The following PARD3B variants were observed in gnomAD, a reference collection of about 807,000 sequenced individuals.
The protein encoded by PARD3B is partitioning defective 3 homolog B.
In PARD3B, 103 loss-of-function variants were observed where a neutral mutation model predicts 130.2. That is an observed-to-expected ratio of 0.79 (90% CI 0.67 to 0.93). The LOEUF (loss-of-function observed/expected upper bound fraction) is 0.93. Ranked by LOEUF, PARD3B falls within the 40% of genes least tolerant of loss-of-function variation. The pLI, the probability that PARD3B is intolerant of heterozygous loss-of-function variation, is 0.00. For missense variants in PARD3B, 1,609 were observed against 1,499.2 expected (o/e 1.07, Z -1.21); for synonymous variants, 583 against 553.2 (o/e 1.05, Z -0.76).
At chr2:205,213,600 A>G (rs2125854272) in intron 15 of PARD3B, among the ~76,000 whole-genome samples, 1 of 152,332 alleles carries the variant, frequency 6.6e-6, no homozygotes, top group East Asian at 1.9e-4. Flanking sequence ...AATAAATAAA[A>G]GTAGAAACAA....
In PARD3B at chr2:204,606,551, G is replaced by A. The variant is rs938217789; in HGVS notation, c.120+60432G>A. On this transcript the variant is annotated intron_variant, in intron 1 of 22. Coordinates refer to ENST00000406610, the MANE Select transcript of PARD3B (RefSeq NM_001302769.2). The surrounding 1 kb of genome is among the most constrained non-coding windows in gnomAD (Gnocchi z 4.0). ...CCCATGTTACTTCTGCTCACATTTCGTTGGCCACTTACATGGTCACACTGA... is the reference window on the plus strand; with the variant it reads ...CCCATGTTACTTCTGCTCACATTTCATTGGCCACTTACATGGTCACACTGA... 1.3e-5 allele frequency among the ~76,000 whole-genome samples: 2 copies of A among 152,076 alleles called. No individual in the cohort carries two copies. The highest frequency in any genetic ancestry group is 2.4e-5 in the African/African-American group (1 of 41,418).
chr2:205,272,493 G>A (rs930325511), intron 16 of PARD3B, among the ~76,000 whole-genome samples: 11 of 152,146 alleles, frequency 7.2e-5, no homozygotes, highest in Non-Finnish European at 1.3e-4. Flanking sequence ...CAATTAGGAT[G>A]TGTTTGACTG....
chr2:205,216,003 G>A (rs1347097768), intron 15 of PARD3B, among the ~76,000 whole-genome samples: 1 of 152,092 alleles, frequency 6.6e-6, no homozygotes, highest in Non-Finnish European at 1.5e-5. Context: ...TTATAGTAGT[G>A]TGTATGTGTG....
intron 18 of PARD3B, among the ~76,000 whole-genome samples, chr2:205,323,719 G>T (rs1035936963): frequency 1.3e-5 from 2 of 152,190 alleles, no homozygotes; most frequent in Non-Finnish European, 2.9e-5. Context: ...ACCCTCTGTG[G>T]AAGGAATAAT....
intron 21 of PARD3B, among the ~76,000 whole-genome samples, chr2:205,543,398 G>T (rs1249720473): frequency 2.0e-5 from 3 of 152,102 alleles, no homozygotes; most frequent in Non-Finnish European, 4.4e-5. Context: ...CAGTGATATG[G>T]CTAAGAAGAC....
chr2:204,699,876 A>G (rs1223447170), intron 2 of PARD3B, among the ~76,000 whole-genome samples: 1 of 152,178 alleles, frequency 6.6e-6, no homozygotes, highest in African/African-American at 2.4e-5. Context: ...TGAATCTTGT[A>G]TTCTTATATA....
rs1223583877 is a variant in PARD3B, at chr2:205,125,954, T to A, written c.1434+217T>A. Among the ~76,000 whole-genome samples, 1 of 152,168 alleles carries A rather than the reference T, an allele frequency of 6.6e-6. No individual in the cohort carries two copies. The highest frequency in any genetic ancestry group is 2.4e-5 in the African/African-American group (1 of 41,434). On this transcript the variant is annotated intron_variant, in intron 10 of 22. Transcript: ENST00000406610. This position sits in a 1 kb window ranked among gnomAD's most constrained non-coding sequence, Gnocchi z 4.0. Reference sequence around the variant, plus strand: ...TAAACAGTGATTCCGGGGCACAGATTCAAACACCTTTAGCAATAAGCAACT... The same window carrying A: ...TAAACAGTGATTCCGGGGCACAGATACAAACACCTTTAGCAATAAGCAACT...
chr2:204,682,682 C>G (rs911840964), intron 1 of PARD3B, among the ~76,000 whole-genome samples: 6 of 152,296 alleles, frequency 3.9e-5, no homozygotes, highest in East Asian at 1.9e-4. Flanking sequence ...GCACTCTCCC[C>G]ACTTTGGGAC....
chr2:204,832,654 T>C (rs2043871309), intron 2 of PARD3B, among the ~76,000 whole-genome samples: 1 of 152,150 alleles, frequency 6.6e-6, no homozygotes, highest in South Asian at 2.1e-4. Flanking sequence ...CAAGAGCCAG[T>C]AGATTCTTGG....
intron 1 of PARD3B, among the ~76,000 whole-genome samples, chr2:204,554,862 C>A (rs191198658): frequency 6.6e-6 from 1 of 152,138 alleles, no homozygotes; most frequent in Non-Finnish European, 1.5e-5. Context: ...GCCCTGCTTG[C>A]GAAGCGGGGC....
At chr2:204,574,009 C>G (rs1390452988) in intron 1 of PARD3B, among the ~76,000 whole-genome samples, 1 of 152,290 alleles carries the variant, frequency 6.6e-6, no homozygotes. Flanking sequence ...ATTTGTTTTG[C>G]TTGACTTGAC....
At chr2:205,184,911 G>A (rs1022694215) in intron 13 of PARD3B, among the ~76,000 whole-genome samples, 48 of 152,040 alleles carry the variant, frequency 3.2e-4, no homozygotes, top group African/African-American at 1.1e-3. Context: ...ACAGCAGTAG[G>A]GTTGGAAACA....
chr2:205,310,719 C>CTTTTTTTTTTTTTTTTTTTTTT (rs34032930), intron 18 of PARD3B, among the ~76,000 whole-genome samples: 3 of 82,590 alleles, frequency 3.6e-5, no homozygotes, highest in African/African-American at 1.6e-4. Flanking sequence ...TTCTTTCTTT[C>CTTTTTTTTTTTTTTTTTTTTTT]TTTTTTTTTT....
At chr2:205,236,753 A>G (rs759569785) in intron 15 of PARD3B, among the ~76,000 whole-genome samples, 1 of 152,230 alleles carries the variant, frequency 6.6e-6, no homozygotes, top group African/African-American at 2.4e-5. Context: ...CAGAAAAAGC[A>G]TAACCATATG....
Position 204,925,029 on chromosome 2 carries a change from T to C in PARD3B, c.223-40123T>C, listed in dbSNP as rs140035761. On this transcript the variant is annotated intron_variant, in intron 2 of 22. Transcript: ENST00000406610. The stretch of plus-strand genomic sequence containing the variant: ...TATGCATATATGATATACATATATA[T>C]CAGGTATATAAATATATGTGTATAT... Among the ~76,000 whole-genome samples, 81 of 152,106 alleles carry C rather than the reference T, an allele frequency of 5.3e-4. No homozygotes were observed. In the Middle Eastern group the frequency reaches 0.014, roughly 26 times the overall value.
chr2:205,213,099 G>A (rs953880558), intron 15 of PARD3B, among the ~76,000 whole-genome samples: 1 of 151,994 alleles, frequency 6.6e-6, no homozygotes, highest in Admixed American at 6.6e-5. Context: ...TTCAAATAAG[G>A]CTTGTCAGTT....
chr2:204,675,083 G>C lies in PARD3B; in HGVS notation c.121-11098G>C, dbSNP rs1176410509. Among the ~76,000 whole-genome samples, 2 of 152,098 alleles carry C rather than the reference G, an allele frequency of 1.3e-5. No individual in the cohort carries two copies. Among genetic ancestry groups the C allele is most frequent in the Admixed American group, 6.6e-5 (1 of 15,262 alleles). ...CTTTGAATTCCTCTGGACCACACAA[G>C]TTTCTAAAACCTTGGCATCCAGGGC... On this transcript the variant is annotated intron_variant, in intron 1 of 22. Transcript: ENST00000406610. This position sits in a 1 kb window ranked among gnomAD's most constrained non-coding sequence, Gnocchi z 4.4.
chr2:205,024,612 A>G (rs1696878244), intron 3 of PARD3B, among the ~76,000 whole-genome samples: 1 of 152,174 alleles, frequency 6.6e-6, no homozygotes, highest in African/African-American at 2.4e-5. Flanking sequence ...TTGGTAGGAC[A>G]CTATTATTTA....
chr2:204,622,670 T>C (rs2034347512), intron 1 of PARD3B, among the ~76,000 whole-genome samples: 1 of 152,086 alleles, frequency 6.6e-6, no homozygotes, highest in Non-Finnish European at 1.5e-5. Context: ...TTATTATTTT[T>C]ATGGATGATA....
Sources: gnomAD v4.1 joint callset for allele counts (sites outside exome capture counted in the v4.1 genomes callset) on GRCh38, gnomAD v4.1.1 for gene constraint, Gnocchi (gnomAD v3.1) non-coding constraint, MANE v1.5 for transcripts, NCBI Gene and HGNC (gene_info 2026-07-23, HGNC 2026-07-21) for gene names.